LSAMP: variants seen among roughly 807,000 people sequenced by gnomAD.
LSAMP encodes limbic system-associated membrane protein.
A neutral mutation model predicts 38.6 loss-of-function variants in LSAMP; 7 were observed. The observed-to-expected ratio is 0.18, with a 90% CI of 0.10 to 0.34. The LOEUF (loss-of-function observed/expected upper bound fraction) is 0.34. Among genes scored for constraint, LSAMP ranks in the 10% least tolerant of loss-of-function variants. The pLI, the probability that LSAMP is intolerant of heterozygous loss-of-function variation, is 1.00. For synonymous variants in LSAMP, 154 were observed against 166.8 expected (o/e 0.92, Z 0.59); for missense variants, 313 against 420.0 (o/e 0.75, Z 2.23).
At chr3:115,952,305 T>G (rs1278354897) in intron 3 of LSAMP, among the ~76,000 whole-genome samples, 1 of 152,080 alleles carries the variant, frequency 6.6e-6, no homozygotes, top group African/African-American at 2.4e-5. Flanking sequence ...GGCAAAAATA[T>G]GGAACCAGCC....
At chr3:116,384,056 T>C (rs2048594469) in intron 1 of LSAMP, among the ~76,000 whole-genome samples, 1 of 152,138 alleles carries the variant, frequency 6.6e-6, no homozygotes, top group Non-Finnish European at 1.5e-5. Context: ...CATGCTCATT[T>C]CACTTGTTTA....
chr3:116,132,191 C>T (rs371723588), intron 1 of LSAMP, among the ~76,000 whole-genome samples: 1 of 151,300 alleles, frequency 6.6e-6, no homozygotes, highest in African/African-American at 2.4e-5. Flanking sequence ...CTGAAAACTA[C>T]TTTTCTAATC....
At chr3:116,372,439 T>C (rs1474196823) in intron 1 of LSAMP, among the ~76,000 whole-genome samples, 1 of 152,004 alleles carries the variant, frequency 6.6e-6, no homozygotes, top group Admixed American at 6.6e-5. Flanking sequence ...GGGACCTAAA[T>C]GTGAGATGTG....
intron 1 of LSAMP, among the ~76,000 whole-genome samples, chr3:116,126,372 A>G (rs558951122): frequency 2.0e-5 from 3 of 152,356 alleles, no homozygotes; most frequent in Non-Finnish European, 4.4e-5. Flanking sequence ...GCCATGCCCA[A>G]AGTATATCAA....
At chr3:116,026,700 C>CT (rs1940799471) in intron 2 of LSAMP, among the ~76,000 whole-genome samples, 1 of 152,166 alleles carries the variant, frequency 6.6e-6, no homozygotes. Flanking sequence ...GACTTAATCT[C>CT]TTGTTGGCAG....
intron 1 of LSAMP, among the ~76,000 whole-genome samples, chr3:116,208,921 G>T (rs1229254833): frequency 2.0e-5 from 3 of 152,218 alleles, no homozygotes; most frequent in Admixed American, 6.5e-5. Flanking sequence ...GCTGTGGTGG[G>T]CTCCACCCAG....
At position 116,272,805 on chromosome 3, in the gene LSAMP, A is replaced by G. The variant is rs149966304; in HGVS notation, c.155+172072T>C. ...CAGAAAAGACTATTCTATTAACATG[A>G]TTTTAAAAAATAAAAATGAAACTTT... On this transcript the variant is annotated intron_variant, in intron 1 of 6. Transcript: ENST00000490035. 3.2e-4 allele frequency among the ~76,000 whole-genome samples: 49 copies of G among 152,296 alleles called. 3 individuals carry two copies. In the East Asian group the frequency reaches 7.5e-3, roughly 23 times the overall value.
intron 1 of LSAMP, among the ~76,000 whole-genome samples, chr3:116,110,968 A>G (rs1022250419): frequency 1.4e-5 from 2 of 148,026 alleles, no homozygotes; most frequent in Non-Finnish European, 3.0e-5. Context: ...TACAGTCAAA[A>G]GGGGTTCTCT....
chr3:116,122,683 T>A (rs1406645757), intron 1 of LSAMP, among the ~76,000 whole-genome samples: 1 of 152,242 alleles, frequency 6.6e-6, no homozygotes. Flanking sequence ...AATGAGTTAA[T>A]GAGTGTTAAA....
intron 1 of LSAMP, among the ~76,000 whole-genome samples, chr3:116,424,476 A>T (rs1308917128): frequency 1.3e-5 from 2 of 152,226 alleles, no homozygotes; most frequent in African/African-American, 4.8e-5. Flanking sequence ...AATCAAAGGA[A>T]GCTCTTACTA....
At chr3:116,318,156 T>C (rs1308945221) in intron 1 of LSAMP, among the ~76,000 whole-genome samples, 1 of 113,062 alleles carries the variant, frequency 8.8e-6, no homozygotes, top group African/African-American at 3.3e-5. Context: ...AAAAAAAAAA[T>C]TTTAGTAATA....
intron 3 of LSAMP, among the ~76,000 whole-genome samples, chr3:115,913,764 C>G (rs1232475714): frequency 2.0e-5 from 3 of 152,064 alleles, no homozygotes; most frequent in Non-Finnish European, 4.4e-5. Context: ...CTGAGTTTTC[C>G]CATGAGGTTC....
intron 3 of LSAMP, among the ~76,000 whole-genome samples, chr3:115,978,539 T>C (rs770259574): frequency 6.6e-6 from 1 of 152,076 alleles, no homozygotes; most frequent in South Asian, 2.1e-4. Context: ...TTTTTAATGA[T>C]AGTGACAAAT....
chr3:115,892,761 A>C (rs1936632598), intron 3 of LSAMP, among the ~76,000 whole-genome samples: 1 of 151,252 alleles, frequency 6.6e-6, no homozygotes, highest in South Asian at 2.1e-4. Context: ...TCAAAATGGA[A>C]AAACTTTACC....
chr3:116,207,079 T>C (rs1184637652), intron 1 of LSAMP, among the ~76,000 whole-genome samples: 7 of 152,068 alleles, frequency 4.6e-5, no homozygotes, highest in African/African-American at 1.7e-4. Context: ...TTTATGAATC[T>C]GGGTGCTACT....
At chr3:115,839,308 TCC>T (rs1934917965) in intron 6 of LSAMP, among the ~76,000 whole-genome samples, 1 of 138,626 alleles carries the variant, frequency 7.2e-6, no homozygotes, top group African/African-American at 2.6e-5. Flanking sequence ...CTTCCTTCCT[TCC>T]TTCCTTCCTT....
chr3:116,174,755 T>C (rs1017318952), intron 1 of LSAMP, among the ~76,000 whole-genome samples: 2 of 151,958 alleles, frequency 1.3e-5, no homozygotes, highest in East Asian at 3.9e-4. Context: ...ACTCACTCAA[T>C]CCAAATCATG....
Position 115,808,613 on chromosome 3 carries a change from G to C in LSAMP, c.*1704C>G, listed in dbSNP as rs147918506. 6.6e-6 allele frequency: 1 copy of C among 152,176 alleles called. No homozygotes were observed. The highest frequency in any genetic ancestry group is 1.5e-5 in the Non-Finnish European group (1 of 68,038). The allele number at this position is 152,176 out of a possible 1,614,324, so 9.4% of individuals were successfully genotyped here. A position where few individuals can be genotyped will look rare whatever the true frequency, so the allele number is the denominator to read the frequency against. On this transcript the variant is annotated 3_prime_UTR_variant, in exon 7 of 7. Coordinates refer to ENST00000490035, the MANE Select transcript of LSAMP (RefSeq NM_002338.5). ...ACTCTTATAGATGTAAATTTAAATA[G>C]AGCAGGGAAGATGAATATCATGCAA...
chr3:116,387,969 T>C lies in LSAMP; in HGVS notation c.155+56908A>G, dbSNP rs187642666. ...GAAAAAAAAAATGAGTTGGGTGTGG[T>C]GGTGGGTGCCTGTAGTCCCAGCTAC... is the stretch of plus-strand genomic sequence containing the variant. On this transcript the variant is annotated intron_variant, in intron 1 of 6. Transcript: ENST00000490035. Among the ~76,000 whole-genome samples the C allele has an allele frequency of 4.5e-3, 680 of 151,962 alleles. 7 individuals are homozygous for C. The highest frequency in any genetic ancestry group is 0.016 in the African/African-American group (646 of 41,408).
Sources: allele counts gnomAD v4.1 joint callset (sites outside exome capture counted in the v4.1 genomes callset), GRCh38; gene constraint gnomAD v4.1.1; transcripts MANE v1.5; gene names NCBI Gene and HGNC (gene_info 2026-07-23, HGNC 2026-07-21).